Variants in REV3L observed in about 807,000 individuals in gnomAD.
The protein encoded by REV3L is REV3 like, DNA directed polymerase zeta catalytic subunit, also known as DNA polymerase zeta catalytic subunit.
REV3L carries 69 observed loss-of-function variants against 299.4 expected under a neutral mutation model. That is an observed-to-expected ratio of 0.23 (90% CI 0.19 to 0.28). The LOEUF (loss-of-function observed/expected upper bound fraction) is 0.28, where lower values mean the gene tolerates loss of function less well. Ranked by LOEUF, REV3L falls within the 10% of genes least tolerant of loss-of-function variation. REV3L has a pLI of 1.00. For synonymous variants in REV3L, 1,238 were observed against 1,271.4 expected, an observed-to-expected ratio of 0.97 and a Z score of 0.56; for missense variants, 3,128 against 3,693.8, an observed-to-expected ratio of 0.85 and a Z score of 3.97.
At chr6:111,408,820 G>A (rs1451638541) in intron 3 of REV3L, among the ~76,000 whole-genome samples, 1 of 152,090 alleles carries the variant, frequency 6.6e-6, no homozygotes, top group African/African-American at 2.4e-5. Flanking sequence ...GAATAGCTAA[G>A]ACGATAGGTG....
chr6:111,447,105 A>C (rs979653490), intron 1 of REV3L, among the ~76,000 whole-genome samples: 8 of 152,148 alleles, frequency 5.3e-5, no homozygotes, highest in Non-Finnish European at 1.2e-4. Flanking sequence ...CCATCCCAAA[A>C]TATATCAGTC....
At chr6:111,386,010 A>G (rs1348553060) in intron 9 of REV3L, among the ~76,000 whole-genome samples, 1 of 152,238 alleles carries the variant, frequency 6.6e-6, no homozygotes, top group Admixed American at 6.5e-5. Context: ...GTATGATACA[A>G]TGTGACTTCT....
chr6:111,405,391 T>A, intron 4 of REV3L, 79 bp downstream of exon 4: 1 of 825,070 alleles, frequency 1.2e-6, no homozygotes, highest in Non-Finnish European at 1.7e-6. Context: ...TATATTATTT[T>A]ATAAATCACT....
At chr6:111,312,930 G>C (rs539616236) in intron 28 of REV3L, 1 of 153,218 alleles carries the variant, frequency 6.5e-6, no homozygotes, top group African/African-American at 2.4e-5. Flanking sequence ...CAGGCAATAG[G>C]CAGGAAACTC....
chr6:111,357,187 T>A (rs1778179042), intron 17 of REV3L, 62 bp from the exon 18 acceptor site: 1 of 548,978 alleles, frequency 1.8e-6, no homozygotes, highest in Admixed American at 4.3e-5. Context: ...CTTCATAATA[T>A]AAAAGTAATA....
intron 21 of REV3L, among the ~76,000 whole-genome samples, chr6:111,341,759 G>A (rs575348647): frequency 6.6e-6 from 1 of 151,752 alleles, no homozygotes; most frequent in South Asian, 2.1e-4. Flanking sequence ...CAGGAGTTGG[G>A]GGGGGTCAGA....
rs550542690 is a variant in REV3L at position 111,351,807 on chromosome 6, A to T, written c.7185-16T>A. The T allele has an allele frequency of 2.0e-4, 300 of 1,531,348 alleles. No individual in the cohort carries two copies. Among genetic ancestry groups the T allele is most frequent in the Admixed American group, 5.6e-4 (33 of 58,990 alleles). The allele number at this position is 1,531,348 out of a possible 1,614,324, so 94.9% of individuals were successfully genotyped here. On this transcript the variant is annotated splice_polypyrimidine_tract_variant and intron_variant, in intron 18 of 31. Transcript: ENST00000368802. ...AGGATCATACCTAAAAAAGGAATTT[A>T]AAAAAGTTATATAAGTACCATACAT... is the stretch of plus-strand genomic sequence containing the variant.
At chr6:111,453,627 T>C (rs1789809980) in intron 1 of REV3L, among the ~76,000 whole-genome samples, 2 of 152,226 alleles carry the variant, frequency 1.3e-5, no homozygotes, top group Non-Finnish European at 2.9e-5. Flanking sequence ...ACTTTAGTTA[T>C]TAATTTTAGT....
intron 31 of REV3L, among the ~76,000 whole-genome samples, chr6:111,303,165 C>CTTTTTTTTTTTTTTTTT (rs1189398273): frequency 2.2e-5 from 2 of 92,342 alleles, no homozygotes; most frequent in African/African-American, 7.8e-5. Context: ...TCTTTTCTTT[C>CTTTTTTTTTTTTTTTTT]TTTTTTTTTT....
chr6:111,447,273 C>T (rs1484456066), intron 1 of REV3L, among the ~76,000 whole-genome samples: 3 of 152,140 alleles, frequency 2.0e-5, no homozygotes, highest in Admixed American at 6.5e-5. Context: ...ACCAGTAAAC[C>T]GGGATGCCCT....
chr6:111,321,439 C>G (rs1279655931), intron 26 of REV3L, among the ~76,000 whole-genome samples: 1 of 152,142 alleles, frequency 6.6e-6, no homozygotes, highest in African/African-American at 2.4e-5. Flanking sequence ...GTTCTGCTAA[C>G]AAGTGGAGAA....
At chr6:111,473,672 T>A (rs561636678) in intron 1 of REV3L, among the ~76,000 whole-genome samples, 10 of 152,056 alleles carry the variant, frequency 6.6e-5, no homozygotes, top group Non-Finnish European at 1.5e-4. Flanking sequence ...TCTCAAAGAT[T>A]TCTGAACTAC....
chr6:111,477,029 T>A (rs1793025453), intron 1 of REV3L, among the ~76,000 whole-genome samples: 1 of 152,180 alleles, frequency 6.6e-6, no homozygotes, highest in South Asian at 2.1e-4. Flanking sequence ...CTTCGGTGTA[T>A]TTTTTTCCAC....
intron 1 of REV3L, among the ~76,000 whole-genome samples, chr6:111,425,039 C>G (rs750482730): frequency 6.6e-6 from 1 of 152,166 alleles, no homozygotes; most frequent in Non-Finnish European, 1.5e-5. Context: ...TATTTTGCCT[C>G]TGGTTGATCT....
intron 3 of REV3L, among the ~76,000 whole-genome samples, chr6:111,406,931 T>G (rs1783697246): frequency 6.6e-6 from 1 of 152,162 alleles, no homozygotes; most frequent in Non-Finnish European, 1.5e-5. Flanking sequence ...TTATTACAAG[T>G]CTGTGGTACG....
intron 16 of REV3L, among the ~76,000 whole-genome samples, chr6:111,363,089 A>G (rs1778863338): frequency 6.6e-6 from 1 of 152,186 alleles, no homozygotes; most frequent in Non-Finnish European, 1.5e-5. Flanking sequence ...TAGCTGATGT[A>G]TATTTTTGCA....
At chr6:111,431,772 T>C in intron 1 of REV3L, 1 of 751,430 alleles carries the variant, frequency 1.3e-6, no homozygotes, top group South Asian at 1.4e-5. Flanking sequence ...AATGTGGACC[T>C]GGTGGAAGTT....
chr6:111,468,373 C>G (rs1791760620), intron 1 of REV3L, among the ~76,000 whole-genome samples: 1 of 152,096 alleles, frequency 6.6e-6, no homozygotes, highest in African/African-American at 2.4e-5. Flanking sequence ...ACATTTGGAA[C>G]TCAATTTACA....
intron 1 of REV3L, among the ~76,000 whole-genome samples, chr6:111,440,971 T>C (rs1412182661): frequency 6.6e-6 from 1 of 152,246 alleles, no homozygotes; most frequent in Non-Finnish European, 1.5e-5. Context: ...TAATTTTTGC[T>C]TTCTTCACAT....
Sources: allele counts gnomAD v4.1 joint callset (sites outside exome capture counted in the v4.1 genomes callset), GRCh38; gene constraint gnomAD v4.1.1; transcripts MANE v1.5; gene names NCBI Gene and HGNC (gene_info 2026-07-23, HGNC 2026-07-21).